The following SPMIP4 variants were observed in gnomAD, a reference collection of about 807,000 sequenced individuals.
SPMIP4 encodes sperm-associated microtubule inner protein 4.
chr7:25,130,848 C>G, the SPMIP4 span, among the ~76,000 whole-genome samples: 1 of 152,234 alleles, frequency 6.6e-6, no homozygotes. Flanking sequence ...AGGTTAGAAG[C>G]AAGATGGAAA....
At chr7:25,174,748 C>T in the SPMIP4 span, among the ~76,000 whole-genome samples, 1 of 152,092 alleles carries the variant, frequency 6.6e-6, no homozygotes. This position sits in a 1 kb window ranked among gnomAD's most constrained non-coding sequence, Gnocchi z 4.5. Context: ...GCTGAGAGAA[C>T]TTGCTAGAAG....
the SPMIP4 span, among the ~76,000 whole-genome samples, chr7:25,164,428 A>G: frequency 6.6e-6 from 1 of 152,082 alleles, no homozygotes; most frequent in Non-Finnish European, 1.5e-5. Context: ...CCTTTTGAAC[A>G]CCTAGTATTG....
At chr7:25,156,097 C>T in the SPMIP4 span, among the ~76,000 whole-genome samples, 1 of 152,172 alleles carries the variant, frequency 6.6e-6, no homozygotes, top group African/African-American at 2.4e-5. Context: ...GGGTGGGCCC[C>T]TAACCCAAGA....
At chr7:25,179,452 T>G in the SPMIP4 span, 48 of 747,188 alleles carry the variant, frequency 6.4e-5, no homozygotes, top group Admixed American at 1.6e-3. Context: ...CCCTCTGCAC[T>G]GAAAGCCGTC....
chr7:25,146,329 G>GGA, the SPMIP4 span, among the ~76,000 whole-genome samples: 1 of 152,102 alleles, frequency 6.6e-6, no homozygotes, highest in Non-Finnish European at 1.5e-5. Context: ...CAGAAGATGA[G>GGA]GAGAGAGAGA....
the SPMIP4 span, chr7:25,179,362 TTG>T: frequency 6.3e-7 from 1 of 1,579,506 alleles, no homozygotes; most frequent in Non-Finnish European, 8.6e-7. Flanking sequence ...CACATTTGGC[TTG>T]TCGAGTCAAG....
chr7:25,152,870 A>G, the SPMIP4 span, among the ~76,000 whole-genome samples: 2 of 151,136 alleles, frequency 1.3e-5, no homozygotes, highest in Non-Finnish European at 3.0e-5. Flanking sequence ...CAGCCTCCCA[A>G]TTAGCCGGGA....
the SPMIP4 span, chr7:25,179,359 G>A: frequency 6.3e-7 from 1 of 1,579,928 alleles, no homozygotes; most frequent in Non-Finnish European, 8.6e-7. Context: ...GGGCACATTT[G>A]GCTTGTCGAG....
chr7:25,141,299 C>T, the SPMIP4 span, among the ~76,000 whole-genome samples: 3 of 152,208 alleles, frequency 2.0e-5, no homozygotes, highest in South Asian at 2.1e-4. Flanking sequence ...AAGGGCCAGG[C>T]GCAGTAGCTC....
At chr7:25,137,890 C>G in the SPMIP4 span, among the ~76,000 whole-genome samples, 1 of 152,120 alleles carries the variant, frequency 6.6e-6, no homozygotes, top group Non-Finnish European at 1.5e-5. Flanking sequence ...TCCTTACATT[C>G]TAAAAATCTT....
chr7:25,177,884 G>A, the SPMIP4 span, among the ~76,000 whole-genome samples: 1 of 152,134 alleles, frequency 6.6e-6, no homozygotes, highest in African/African-American at 2.4e-5. Flanking sequence ...CAGTGGTTCA[G>A]TGTACAAATT....
At chr7:25,137,944 T>G in the SPMIP4 span, among the ~76,000 whole-genome samples, 2 of 152,222 alleles carry the variant, frequency 1.3e-5, no homozygotes, top group Non-Finnish European at 2.9e-5. Context: ...AGAAAAGATT[T>G]ACCAGTAAAA....
chr7:25,178,639 T>C, the SPMIP4 span, among the ~76,000 whole-genome samples: 15 of 152,328 alleles, frequency 9.8e-5, no homozygotes, highest in South Asian at 3.1e-3. Context: ...GTGGATGAAT[T>C]TGATGTGTGG....
the SPMIP4 span, among the ~76,000 whole-genome samples, chr7:25,159,220 A>G: frequency 6.6e-6 from 1 of 152,160 alleles, no homozygotes; most frequent in Non-Finnish European, 1.5e-5. Context: ...CCAGCTGGAG[A>G]GGATATTTAA....
chr7:25,129,412 C>T, the SPMIP4 span, among the ~76,000 whole-genome samples: 545 of 152,264 alleles, frequency 3.6e-3, 2 homozygotes, highest in Middle Eastern at 6.8e-3. Context: ...TGTGACAGGG[C>T]AGCACTGAGT....
the SPMIP4 span, chr7:25,155,274 T>C: frequency 1.5e-6 from 2 of 1,291,276 alleles, no homozygotes; most frequent in Non-Finnish European, 2.1e-6. Context: ...AAAAATTTAT[T>C]GGGACCCTTT....
chr7:25,144,997 T>C, the SPMIP4 span, among the ~76,000 whole-genome samples: 4 of 150,860 alleles, frequency 2.7e-5, no homozygotes, highest in Non-Finnish European at 5.9e-5. Context: ...GCTCTTGCTC[T>C]TGTCCCCCAG....
At chr7:25,155,207 G>T in the SPMIP4 span, 1 of 1,483,888 alleles carries the variant, frequency 6.7e-7, no homozygotes, top group Admixed American at 2.5e-5. Context: ...GATTTATTGA[G>T]GAAACAAAAC....
the SPMIP4 span, among the ~76,000 whole-genome samples, chr7:25,141,355 C>T: frequency 1.2e-3 from 176 of 152,134 alleles, no homozygotes; most frequent in Non-Finnish European, 1.6e-3. Context: ...GGGCGAATCA[C>T]GAGGTCAGGA....
Sources: gnomAD v4.1 joint callset for allele counts (sites outside exome capture counted in the v4.1 genomes callset) on GRCh38, gnomAD v4.1.1 for gene constraint, Gnocchi (gnomAD v3.1) non-coding constraint, MANE v1.5 for transcripts, NCBI Gene and HGNC (gene_info 2026-07-23, HGNC 2026-07-21) for gene names.